The following ARID1A variants were observed in gnomAD, a reference collection of about 807,000 sequenced individuals.
The protein encoded by ARID1A is AT-rich interaction domain 1A.
In ARID1A, 20 loss-of-function variants were observed where a neutral mutation model predicts 212.6. That is an observed-to-expected ratio of 0.09 (90% CI 0.07 to 0.14). ARID1A has a LOEUF of 0.14. ARID1A is among the 10% of genes least tolerant of loss of function. The pLI is 1.00. For missense variants in ARID1A, 2,587 were observed against 3,059.0 expected (o/e 0.85, Z 3.64); for synonymous variants, 1,376 against 1,222.1 (o/e 1.13, Z -2.63).
rs2124157108 is a variant in ARID1A at position 26,781,772 on chromosome 1, G to A, written c.*1016G>A. On this transcript the variant is annotated 3_prime_UTR_variant, in exon 20 of 20. Coordinates refer to ENST00000324856, the MANE Select transcript of ARID1A (RefSeq NM_006015.6). Reference sequence around the variant, plus strand: ...TGCCAGATATCGCCCCTCTTGGTGCGATGCTGTACAGGTCTCTGTAAAAAG... The same window carrying A: ...TGCCAGATATCGCCCCTCTTGGTGCAATGCTGTACAGGTCTCTGTAAAAAG... The A allele has an allele frequency of 4.3e-6, 1 of 233,686 alleles. No individual in the cohort carries two copies. Among genetic ancestry groups the A allele is most frequent in the East Asian group, 6.0e-5 (1 of 16,570 alleles). 14.5% of individuals were successfully genotyped at this position (233,686 alleles called of 1,614,324 possible). A position where few individuals can be genotyped will look rare whatever the true frequency, so the allele number is the denominator to read the frequency against.
Position 26,696,640 on chromosome 1 carries a change from C to T in ARID1A, c.237C>T (p.Ser79=), listed in dbSNP as rs2080257336. ...AGGAGCTGCAGGACGGGGCCGAGAG[C>T]AATGGGGGTGGCGGCGGCGGCGGAG... ...LGKELQDGAE[S]NGGGGGGGAG... is the part of the protein sequence containing the mutation. Residue 79 remains serine, a synonymous_variant, in exon 1 of 20, where the codon AGC becomes AGT. Coordinates refer to ENST00000324856, the MANE Select transcript of ARID1A (RefSeq NM_006015.6). 2 of 1,303,712 alleles carry T rather than the reference C, an allele frequency of 1.5e-6. No individual in the cohort carries two copies. The highest frequency in any genetic ancestry group is 3.1e-5 in the East Asian group (1 of 32,068). 80.8% of individuals were successfully genotyped at this position (1,303,712 alleles called of 1,614,324 possible).
rs2081039591 is a variant in ARID1A, at chr1:26,766,380, AT to A, written c.2878+16del. 2 of 1,613,902 alleles carry A rather than the reference AT, an allele frequency of 1.2e-6. No individual in the cohort carries two copies. Among genetic ancestry groups the A allele is most frequent in the South Asian group, 2.2e-5 (2 of 91,074 alleles). ...ACAATTCTGCAGGTAAGTGCTAGTC[AT>A]TCTCACTAGGGATTTCTTCAAGAGT... On this transcript the variant is annotated intron_variant, in intron 9 of 19. Coordinates refer to ENST00000324856, the MANE Select transcript of ARID1A (RefSeq NM_006015.6).
At chr1:26,712,510 C>A (rs2080463968) in intron 1 of ARID1A, among the ~76,000 whole-genome samples, 2 of 152,022 alleles carry the variant, frequency 1.3e-5, no homozygotes, top group African/African-American at 4.8e-5. Flanking sequence ...CATAGCAAGA[C>A]CTTGTCTCTC....
At chr1:26,710,645 A>G (rs544761248) in intron 1 of ARID1A, among the ~76,000 whole-genome samples, 35 of 152,180 alleles carry the variant, frequency 2.3e-4, no homozygotes, top group Admixed American at 9.8e-4. Context: ...GGCCAGTCCT[A>G]TCGAATCCAA....
rs2081189796 is a variant in ARID1A, at chr1:26,781,083, A to G, written c.*327A>G. The stretch of plus-strand genomic sequence containing the variant: ...ACTGTTGTTTACAGTGAGTTTGGGG[A>G]AAAAAAATAAAATAAAAATGGCTTT... On this transcript the variant is annotated 3_prime_UTR_variant, in exon 20 of 20. Transcript: ENST00000324856. 3.5e-6 allele frequency: 1 copy of G among 288,490 alleles called. No homozygotes were observed. The highest frequency in any genetic ancestry group is 6.4e-6 in the Non-Finnish European group (1 of 155,346). The allele number at this position is 288,490 out of a possible 1,614,324, so 17.9% of individuals were successfully genotyped here. A position where few individuals can be genotyped will look rare whatever the true frequency, so the allele number is the denominator to read the frequency against.
intron 11 of ARID1A, among the ~76,000 whole-genome samples, chr1:26,768,938 C>T (rs1308111858): frequency 6.6e-6 from 1 of 152,162 alleles, no homozygotes; most frequent in Non-Finnish European, 1.5e-5. Flanking sequence ...ACAGCTGTCA[C>T]CAGCAGAAAA....
rs2081081526 is a variant in ARID1A at position 26,771,382 on chromosome 1, C to T, written c.3406+56C>T. The T allele has an allele frequency of 1.8e-5, 28 of 1,544,744 alleles. 1 individual carries two copies. The South Asian group carries it at 3.0e-4, about 17-fold the overall frequency. On this transcript the variant is annotated intron_variant, in intron 12 of 19. Transcript: ENST00000324856. The surrounding 1 kb of genome is among the most constrained non-coding windows in gnomAD (Gnocchi z 5.4). ...CTGAGAGGGCCTGTTGCCCTGGCCT[C>T]TTATTCAGGATATGAATAAGAGGCT...
intron 1 of ARID1A, among the ~76,000 whole-genome samples, chr1:26,707,940 A>G (rs1291862080): frequency 6.6e-6 from 1 of 152,170 alleles, no homozygotes; most frequent in African/African-American, 2.4e-5. Context: ...CTCCAAAATA[A>G]ATTACTCAGG....
In ARID1A at chr1:26,762,254, T is replaced by C; in HGVS notation, c.2354T>C (p.Met785Thr). The change falls in exon 7 of 20, where the codon ATG (methionine) becomes ACG (threonine). Residue 785 changes from methionine (M) to threonine (T), a missense_variant. Coordinates refer to ENST00000324856, the MANE Select transcript of ARID1A (RefSeq NM_006015.6). The stretch of plus-strand genomic sequence containing the variant: ...TCCGGAGGACAGATACACACAGGCA[T>C]GGGCTCCTACCAGCAGAACTCCATG... ...QPSGGQIHTG[M>T]GSYQQNSMGS... The C allele has an allele frequency of 1.2e-6, 2 of 1,614,176 alleles. No individual in the cohort carries two copies. The highest frequency in any genetic ancestry group is 8.5e-7 in the Non-Finnish European group (1 of 1,180,034).
Position 26,696,150 on chromosome 1 carries a change from G to A in ARID1A, c.-254G>A, listed in dbSNP as rs1570537434. On this transcript the variant is annotated 5_prime_UTR_variant, in exon 1 of 20. Coordinates refer to ENST00000324856, the MANE Select transcript of ARID1A (RefSeq NM_006015.6). ...GGGAGAGCCGGGTCCCGAGCCTACA[G>A]AGCCGGGAGCAGCTGAGCCGCCGGC... 6.0e-6 allele frequency: 3 copies of A among 496,756 alleles called. No individual in the cohort carries two copies. The East Asian group carries it at 1.6e-4, about 26-fold the overall frequency. 30.8% of individuals were successfully genotyped at this position (496,756 alleles called of 1,614,324 possible).
Position 26,766,236 on chromosome 1 carries a change from C to G in ARID1A, c.2748C>G (p.Pro916=). The G allele has an allele frequency of 6.2e-7, 1 of 1,613,734 alleles. No homozygotes were observed. The highest frequency in any genetic ancestry group is 8.5e-7 in the Non-Finnish European group (1 of 1,179,850). Residue 916 remains proline, a synonymous_variant, in exon 9 of 20, where the codon CCC becomes CCG. Transcript: ENST00000324856. ...TCTTCCTTAGGCCGCCAGGCTACCC[C>G]AATATGAATCAAGGGGGCATGATGG... is the stretch of plus-strand genomic sequence containing the variant. The part of the protein sequence containing the change: ...NSIQNRPPGY[P]NMNQGGMMGT...
chr1:26,698,457 G>A (rs2080300764), intron 1 of ARID1A, among the ~76,000 whole-genome samples: 1 of 152,208 alleles, frequency 6.6e-6, no homozygotes. Flanking sequence ...TGACCTTGAG[G>A]AGGGAGGTTT....
At chr1:26,735,137 G>C (rs1198655616) in intron 4 of ARID1A, among the ~76,000 whole-genome samples, 6 of 144,856 alleles carry the variant, frequency 4.1e-5, no homozygotes, top group African/African-American at 1.3e-4. Flanking sequence ...TTTTTTTTTG[G>C]GGGGAGAGAG....
At chr1:26,701,648 CTG>C (rs975074298) in intron 1 of ARID1A, among the ~76,000 whole-genome samples, 22 of 152,306 alleles carry the variant, frequency 1.4e-4, no homozygotes, top group African/African-American at 4.8e-4. Context: ...TGCTACATAT[CTG>C]TGCTTCCATA....
At position 26,780,742 on chromosome 1, in the gene ARID1A, A is replaced by G. The variant is rs2124153627; in HGVS notation, c.6844A>G (p.Ile2282Val). The change falls in exon 20 of 20, where the codon ATT (isoleucine) becomes GTT (valine). Residue 2282 changes from isoleucine (I) to valine (V), a missense_variant. Around this residue, in one of 11 missense-constraint regions of ARID1A, gnomAD observed 27 missense variants for 28.4 expected, o/e 0.95. Transcript: ENST00000324856. The surrounding 1 kb of genome is among the most constrained non-coding windows in gnomAD (Gnocchi z 7.2). ...SQVICDVLFL[I>V]GQS ...AGTCATTTGTGATGTACTGTTTTTGATTGGCCAGTCATGACAGCCGTGGGA... is the reference window on the plus strand; with the variant it reads ...AGTCATTTGTGATGTACTGTTTTTGGTTGGCCAGTCATGACAGCCGTGGGA... 2 of 1,568,616 alleles carry G rather than the reference A, an allele frequency of 1.3e-6. No homozygotes were observed. Among genetic ancestry groups the G allele is most frequent in the Non-Finnish European group, 1.7e-6 (2 of 1,157,664 alleles).
At chr1:26,711,723 A>G (rs952365087) in intron 1 of ARID1A, among the ~76,000 whole-genome samples, 2 of 152,174 alleles carry the variant, frequency 1.3e-5, no homozygotes, top group African/African-American at 4.8e-5. Flanking sequence ...GTTCTTCGGC[A>G]ATATGGCATG....
At chr1:26,749,299 T>C (rs2080864758) in intron 4 of ARID1A, among the ~76,000 whole-genome samples, 1 of 152,048 alleles carries the variant, frequency 6.6e-6, no homozygotes, top group Admixed American at 6.6e-5. Context: ...TCTCCGGGGG[T>C]AGGGGACAGC....
Position 26,696,368 on chromosome 1 carries a change from G to A in ARID1A, c.-36G>A, listed in dbSNP as rs2080252207. 1 of 1,235,030 alleles carries A rather than the reference G, an allele frequency of 8.1e-7. No homozygotes were observed. The highest frequency in any genetic ancestry group is 1.6e-5 in the African/African-American group (1 of 63,144). The allele number at this position is 1,235,030 out of a possible 1,614,324, so 76.5% of individuals were successfully genotyped here. ...GGGAGGGGGGGAGAAGACGAAGACA[G>A]GGCCGGGTCTCTCCGCGGACGAGAC... On this transcript the variant is annotated 5_prime_UTR_variant, in exon 1 of 20. Transcript: ENST00000324856.
intron 1 of ARID1A, among the ~76,000 whole-genome samples, chr1:26,718,849 A>G (rs528422764): frequency 1.3e-5 from 2 of 152,360 alleles, no homozygotes; most frequent in East Asian, 1.9e-4. Flanking sequence ...TTTCCTATAC[A>G]TGCATACCTA....
Sources: allele counts gnomAD v4.1 joint callset (sites outside exome capture counted in the v4.1 genomes callset), GRCh38; gene constraint gnomAD v4.1.1; regional missense constraint gnomAD v4.1.1; non-coding constraint Gnocchi (gnomAD v3.1); transcripts MANE v1.5; gene names NCBI Gene and HGNC (gene_info 2026-07-23, HGNC 2026-07-21).